The following CTBP1 variants were observed in gnomAD, a reference collection of about 807,000 sequenced individuals.
CTBP1 encodes the protein C-terminal-binding protein 1.
In CTBP1, 11 loss-of-function variants were observed where a neutral mutation model predicts 42.1. The observed-to-expected ratio is 0.26, with a 90% CI of 0.16 to 0.43. CTBP1 has a LOEUF of 0.43. Among genes scored for constraint, CTBP1 ranks in the 20% least tolerant of loss-of-function variants. The pLI is 1.00. For synonymous variants in CTBP1, 324 were observed against 277.1 expected, an observed-to-expected ratio of 1.17 and a Z score of -1.68; for missense variants, 399 against 624.3, an observed-to-expected ratio of 0.64 and a Z score of 3.85.
At position 1,238,427 on chromosome 4, in the gene CTBP1, G is replaced by A. The variant is rs996473441; in HGVS notation, c.8-90C>T. 2.5e-5 allele frequency: 36 copies of A among 1,440,994 alleles called. No homozygotes were observed. The highest frequency in any genetic ancestry group is 7.0e-5 in the East Asian group (3 of 43,146). The allele number at this position is 1,440,994 out of a possible 1,614,324, so 89.3% of individuals were successfully genotyped here. On this transcript the variant is annotated intron_variant, in intron 2 of 9. Transcript: ENST00000382952. The surrounding 1 kb of genome is among the most constrained non-coding windows in gnomAD (Gnocchi z 5.9). The stretch of plus-strand genomic sequence containing the variant: ...CGCCACCCACTGTGCACGGGCCAAC[G>A]AGGGCCGACCGCCGGGGGTTTTCTG...
rs916204848 is a variant in CTBP1 at position 1,211,573 on chromosome 4, C to A, written c.*667G>T. On this transcript the variant is annotated 3_prime_UTR_variant, in exon 10 of 10. Coordinates refer to ENST00000382952, the MANE Select transcript of CTBP1 (RefSeq NM_001012614.2). ...GACGGCACTGGTGCAGGCGGGGACG[C>A]TGCCACCCTCCACGTCCCCAGGACA... 1 of 152,442 alleles carries A rather than the reference C, an allele frequency of 6.6e-6. No individual in the cohort carries two copies. The highest frequency in any genetic ancestry group is 2.4e-5 in the African/African-American group (1 of 41,448). The allele number at this position is 152,442 out of a possible 1,614,324, so 9.4% of individuals were successfully genotyped here. A position where few individuals can be genotyped will look rare whatever the true frequency, so the allele number is the denominator to read the frequency against.
At chr4:1,229,959 G>A (rs1002018034) in intron 3 of CTBP1, among the ~76,000 whole-genome samples, 1 of 152,166 alleles carries the variant, frequency 6.6e-6, no homozygotes. Flanking sequence ...CCAGGAAGAA[G>A]GGAAGGTTGG....
chr4:1,241,188 G>A, intron 2 of CTBP1, 137 bp downstream of exon 2: 1 of 755,704 alleles, frequency 1.3e-6, no homozygotes, highest in South Asian at 1.4e-5. Flanking sequence ...CACACCGGGG[G>A]TCAGGTGGCA....
At chr4:1,219,562 C>T (rs371079375) in intron 5 of CTBP1, among the ~76,000 whole-genome samples, 2 of 152,214 alleles carry the variant, frequency 1.3e-5, no homozygotes, top group South Asian at 2.1e-4. Flanking sequence ...CCCACACTCA[C>T]TGCTGCTGAT....
At chr4:1,236,379 C>T (rs994370494) in intron 3 of CTBP1, 12 of 516,456 alleles carry the variant, frequency 2.3e-5, no homozygotes, top group Non-Finnish European at 3.5e-5. Flanking sequence ...AAAGCCAGGC[C>T]GCGGGCAATG....
Position 1,216,162 on chromosome 4 carries a change from G to C in CTBP1, c.558C>G (p.Gly186=), listed in dbSNP as rs746145361. Residue 186 remains glycine, a synonymous_variant, in exon 6 of 10, where the codon GGC becomes GGG. Coordinates refer to ENST00000382952, the MANE Select transcript of CTBP1 (RefSeq NM_001012614.2). The part of the protein sequence containing the change: ...QAVALRAKAF[G]FNVLFYDPYL... ...AAGGGTCGTAGAAGAGCACGTTGAA[G>C]CCGAAGGCCTTGGCCCGCAGCGCCA... The C allele has an allele frequency of 2.6e-5, 42 of 1,610,832 alleles. 1 individual carries two copies. In the South Asian group the frequency reaches 4.4e-4, roughly 17 times the overall value.
rs567258702 is a variant in CTBP1, at chr4:1,238,727, C to A, written c.8-390G>T. Among the ~76,000 whole-genome samples the A allele has an allele frequency of 6.6e-6, 1 of 151,088 alleles. No homozygotes were observed. Among genetic ancestry groups the A allele is most frequent in the Non-Finnish European group, 1.5e-5 (1 of 67,746 alleles). On this transcript the variant is annotated intron_variant, in intron 2 of 9. Transcript: ENST00000382952. This position sits in a 1 kb window ranked among gnomAD's most constrained non-coding sequence, Gnocchi z 5.9. ...CAGACCCTCTGAGAACCTCCCAGAC[C>A]CTCTGAGACTCCCCAAGACATTTCC...
Position 1,214,323 on chromosome 4 carries a change from G to T in CTBP1, c.860+20C>A. On this transcript the variant is annotated intron_variant, in intron 7 of 9. Transcript: ENST00000382952. ...GGTGGACAGGGAAGAGCAGGGGGGC[G>T]GCACTGGCCGTGGGGGCACCTGAAG... 1 of 1,532,304 alleles carries T rather than the reference G, an allele frequency of 6.5e-7. No individual in the cohort carries two copies. The highest frequency in any genetic ancestry group is 2.6e-5 in the East Asian group (1 of 38,712). The allele number at this position is 1,532,304 out of a possible 1,614,324, so 94.9% of individuals were successfully genotyped here.
At position 1,212,934 on chromosome 4, in the gene CTBP1, T is replaced by A; in HGVS notation, c.1085A>T (p.Glu362Val). 4 of 1,613,718 alleles carry A rather than the reference T, an allele frequency of 2.5e-6. No individual in the cohort carries two copies. Among genetic ancestry groups the A allele is most frequent in the Non-Finnish European group, 3.4e-6 (4 of 1,179,972 alleles). ...TCACCTATAGGCAGCCCCATTGAGC[T>A]CAGGGTGCACGACGGCGGGGTCCAT... ...ASMDPAVVHP[E>V]LNGAAYRYPP... Residue 362 changes from glutamate (E) to valine (V), a missense_variant, in exon 9 of 10, where the codon GAG (glutamate) becomes GTG (valine). Glu to Val is a moderately radical substitution (Grantham distance 121, BLOSUM62 -2). Around this residue, in one of 4 missense-constraint regions of CTBP1, gnomAD observed 309 missense variants for 497.5 expected, o/e 0.62. Transcript: ENST00000382952.
At chr4:1,239,653 C>T (rs986620936) in intron 2 of CTBP1, among the ~76,000 whole-genome samples, 2 of 152,210 alleles carry the variant, frequency 1.3e-5, no homozygotes, top group Non-Finnish European at 2.9e-5. Context: ...GCAGCACACG[C>T]CTGCAGGGGA....
intron 8 of CTBP1, 74 bp downstream of exon 8, chr4:1,213,403 CG>C (rs2108701367): frequency 6.3e-7 from 1 of 1,587,964 alleles, no homozygotes; most frequent in Non-Finnish European, 8.5e-7. Flanking sequence ...GGCTGCCAGG[CG>C]GATGCGAGCC....
At chr4:1,222,228 A>G (rs1455416383) in intron 5 of CTBP1, among the ~76,000 whole-genome samples, 2 of 151,942 alleles carry the variant, frequency 1.3e-5, no homozygotes, top group South Asian at 2.1e-4. Flanking sequence ...GACGGGACGC[A>G]GGTGTTCTGC....
chr4:1,224,404 A>G (rs560419022), intron 5 of CTBP1, among the ~76,000 whole-genome samples: 12 of 148,260 alleles, frequency 8.1e-5, no homozygotes, highest in Non-Finnish European at 1.3e-4. Flanking sequence ...TGTGAGACCC[A>G]TGTGTGCTGT....
chr4:1,213,443 A>T (rs1393525531), intron 8 of CTBP1, 35 bp downstream of exon 8: 9 of 1,601,842 alleles, frequency 5.6e-6, no homozygotes, highest in African/African-American at 1.3e-5. Flanking sequence ...GCAGGAAGGG[A>T]CCCCCAGGCC....
Position 1,238,040 on chromosome 4 carries a change from G to T in CTBP1, c.162+143C>A. On this transcript the variant is annotated intron_variant, in intron 3 of 9. Transcript: ENST00000382952. The surrounding 1 kb of genome is among the most constrained non-coding windows in gnomAD (Gnocchi z 5.9). ...AGGGAAAACCCCGTGTCCACCTCCT[G>T]ACGGCGCGGGACGACTGGGACAGAG... is the stretch of plus-strand genomic sequence containing the variant. The T allele has an allele frequency of 9.0e-7, 1 of 1,116,696 alleles. No homozygotes were observed. Among genetic ancestry groups the T allele is most frequent in the Non-Finnish European group, 1.3e-6 (1 of 742,044 alleles). The allele number at this position is 1,116,696 out of a possible 1,614,324, so 69.2% of individuals were successfully genotyped here.
chr4:1,223,453 A>C, intron 5 of CTBP1: 1 of 455,790 alleles, frequency 2.2e-6, no homozygotes, highest in Non-Finnish European at 4.4e-6. Flanking sequence ...AGACCACCCG[A>C]AACGTCCGAT....
chr4:1,215,927 G>A (rs1729059623), intron 6 of CTBP1, 64 bp downstream of exon 6: 2 of 1,514,356 alleles, frequency 1.3e-6, no homozygotes, highest in Non-Finnish European at 8.9e-7. Context: ...GGAGGGACCT[G>A]CCTGACACCC....
intron 5 of CTBP1, among the ~76,000 whole-genome samples, chr4:1,223,711 G>T (rs1257227195): frequency 6.6e-6 from 1 of 150,874 alleles, no homozygotes; most frequent in African/African-American, 2.4e-5. Context: ...CCCCACACCT[G>T]GGCCCCGCCC....
chr4:1,226,808 G>C (rs550100539), intron 4 of CTBP1, among the ~76,000 whole-genome samples: 59 of 151,728 alleles, frequency 3.9e-4, no homozygotes, highest in Admixed American at 2.0e-3. Flanking sequence ...CTGGCACACA[G>C]GTTTGGCCCA....
Sources: allele counts gnomAD v4.1 joint callset (sites outside exome capture counted in the v4.1 genomes callset), GRCh38; gene constraint gnomAD v4.1.1; regional missense constraint gnomAD v4.1.1; non-coding constraint Gnocchi (gnomAD v3.1); transcripts MANE v1.5; gene names NCBI Gene and HGNC (gene_info 2026-07-23, HGNC 2026-07-21).